NKAIN3: variants seen among roughly 807,000 people sequenced by gnomAD.
The protein encoded by NKAIN3 is sodium/potassium transporting ATPase interacting 3.
In NKAIN3, 25 loss-of-function variants were observed where a neutral mutation model predicts 30.2. That is an observed-to-expected ratio of 0.83 (90% confidence interval 0.60 to 1.16). The LOEUF (loss-of-function observed/expected upper bound fraction) is 1.16, where lower values mean the gene tolerates loss of function less well. NKAIN3 is among the 50% of genes most tolerant of loss of function. The pLI, the probability that NKAIN3 is intolerant of heterozygous loss-of-function variation, is 0.00. For missense variants in NKAIN3, 225 were observed against 254.1 expected, an observed-to-expected ratio of 0.89 and a Z score of 0.78; for synonymous variants, 91 against 89.6, an observed-to-expected ratio of 1.02 and a Z score of -0.09.
intron 3 of NKAIN3, among the ~76,000 whole-genome samples, chr8:62,596,356 A>G (rs747339271): frequency 1.6e-4 from 25 of 151,848 alleles, no homozygotes; most frequent in Admixed American, 5.2e-4. Context: ...TTCAATATCC[A>G]CTGGGCAGTT....
intron 1 of NKAIN3, among the ~76,000 whole-genome samples, chr8:62,268,627 A>G (rs1309317718): frequency 1.3e-5 from 2 of 151,814 alleles, no homozygotes; most frequent in African/African-American, 4.8e-5. Flanking sequence ...ATTGTGCATA[A>G]CTCTTCATAT....
chr8:62,336,236 C>T (rs1173090797), intron 1 of NKAIN3, among the ~76,000 whole-genome samples: 2 of 151,992 alleles, frequency 1.3e-5, no homozygotes, highest in Admixed American at 6.6e-5. Flanking sequence ...TGCTTAGAAA[C>T]AGAAAATTTC....
At chr8:62,782,863 G>T (rs915621849) in intron 4 of NKAIN3, among the ~76,000 whole-genome samples, 2 of 151,172 alleles carry the variant, frequency 1.3e-5, no homozygotes, top group Non-Finnish European at 2.9e-5. Context: ...AGAAGAAAAA[G>T]TTCTAATGTT....
intron 1 of NKAIN3, among the ~76,000 whole-genome samples, chr8:62,448,895 T>A (rs1038929488): frequency 6.6e-6 from 1 of 152,018 alleles, no homozygotes; most frequent in Admixed American, 6.6e-5. Flanking sequence ...GTGGTATTGC[T>A]AATGAGAACA....
chr8:62,261,000 AT>A (rs1563910333), intron 1 of NKAIN3, among the ~76,000 whole-genome samples: 1 of 152,046 alleles, frequency 6.6e-6, no homozygotes, highest in Non-Finnish European at 1.5e-5. Flanking sequence ...GGTAGCTAAA[AT>A]TTTTTTATGA....
At chr8:62,326,440 A>G (rs530521146) in intron 1 of NKAIN3, among the ~76,000 whole-genome samples, 18 of 152,054 alleles carry the variant, frequency 1.2e-4, no homozygotes, top group African/African-American at 4.3e-4. Flanking sequence ...TAGAATGTTT[A>G]TGATTTAAGG....
At chr8:62,878,503 T>G (rs1216835115) in intron 4 of NKAIN3, among the ~76,000 whole-genome samples, 1 of 151,946 alleles carries the variant, frequency 6.6e-6, no homozygotes, top group Non-Finnish European at 1.5e-5. Flanking sequence ...GTTCTGTTGT[T>G]GTGTTTTTAT....
intron 1 of NKAIN3, among the ~76,000 whole-genome samples, chr8:62,407,397 AGTT>A (rs1335161229): frequency 6.7e-5 from 7 of 105,024 alleles, no homozygotes; most frequent in African/African-American, 2.7e-4. Flanking sequence ...AAGACTAGAT[AGTT>A]GTTTTTTTTT....
intron 1 of NKAIN3, among the ~76,000 whole-genome samples, chr8:62,363,581 C>T (rs903267848): frequency 1.3e-5 from 2 of 152,052 alleles, no homozygotes; most frequent in African/African-American, 4.8e-5. Flanking sequence ...TAGAGTGCTT[C>T]TCAAATGTTA....
intron 1 of NKAIN3, among the ~76,000 whole-genome samples, chr8:62,359,659 C>T (rs1449947379): frequency 1.3e-5 from 2 of 152,168 alleles, no homozygotes; most frequent in East Asian, 1.9e-4. Flanking sequence ...TAGACAAGAG[C>T]CAGAACAGGT....
At chr8:62,847,301 C>A (rs1472779385) in intron 4 of NKAIN3, among the ~76,000 whole-genome samples, 2 of 152,192 alleles carry the variant, frequency 1.3e-5, no homozygotes, top group African/African-American at 4.8e-5. Flanking sequence ...TACACTCCCA[C>A]TAACCGTGTA....
At chr8:62,997,755 TAAAAA>T (rs56261705) in intron 5 of NKAIN3, among the ~76,000 whole-genome samples, 140 of 145,588 alleles carry the variant, frequency 9.6e-4, no homozygotes, top group African/African-American at 3.4e-3. Flanking sequence ...CTCTTTTCTT[TAAAAA>T]AAAAAAAAAA....
chr8:62,845,525 C>T (rs191953069), intron 4 of NKAIN3, among the ~76,000 whole-genome samples: 24 of 151,642 alleles, frequency 1.6e-4, no homozygotes, highest in East Asian at 1.9e-4. Context: ...CAGTGAATGA[C>T]GAAAGAGGAT....
chr8:62,700,257 T>G (rs987409168), intron 3 of NKAIN3, among the ~76,000 whole-genome samples: 1 of 152,158 alleles, frequency 6.6e-6, no homozygotes, highest in African/African-American at 2.4e-5. Flanking sequence ...TCTCAGACAA[T>G]TTTGGAGGTT....
chr8:62,511,107 C>A (rs61381189), intron 1 of NKAIN3, among the ~76,000 whole-genome samples: 10,961 of 152,158 alleles, frequency 0.072, 487 homozygotes, highest in African/African-American at 0.13. Context: ...CCTCCCCACA[C>A]CCTCCCCATG....
At chr8:62,299,174 T>A (rs997599944) in intron 1 of NKAIN3, among the ~76,000 whole-genome samples, 7 of 152,102 alleles carry the variant, frequency 4.6e-5, no homozygotes, top group Admixed American at 3.9e-4. Context: ...GAAAAAAAAA[T>A]TTGTTGTTCT....
chr8:62,736,062 A>G (rs997687500), intron 3 of NKAIN3, among the ~76,000 whole-genome samples: 2 of 151,966 alleles, frequency 1.3e-5, no homozygotes, highest in African/African-American at 2.4e-5. Flanking sequence ...AGTGAAGTGG[A>G]CTCTGTGAAA....
intron 4 of NKAIN3, among the ~76,000 whole-genome samples, chr8:62,903,403 G>T (rs1405774889): frequency 6.6e-6 from 1 of 152,110 alleles, no homozygotes; most frequent in Non-Finnish European, 1.5e-5. Context: ...TCCCCAGAGT[G>T]ATCCAAATAA....
chr8:62,306,463 C>T (rs771230473), intron 1 of NKAIN3, among the ~76,000 whole-genome samples: 8 of 149,300 alleles, frequency 5.4e-5, no homozygotes, highest in Admixed American at 1.3e-4. Flanking sequence ...TTTCCCAGTG[C>T]GAGCCCTACC....
Sources: gnomAD v4.1 joint callset for allele counts (sites outside exome capture counted in the v4.1 genomes callset) on GRCh38, gnomAD v4.1.1 for gene constraint, MANE v1.5 for transcripts, NCBI Gene and HGNC (gene_info 2026-07-23, HGNC 2026-07-21) for gene names.